Variants in PLAAT4 observed in about 807,000 individuals in gnomAD.
The protein encoded by PLAAT4 is HRAS-like suppressor 4.
A neutral mutation model predicts 14.1 loss-of-function variants in PLAAT4; 12 were observed. That is an observed-to-expected ratio of 0.85 (90% CI 0.54 to 1.37). The LOEUF (loss-of-function observed/expected upper bound fraction) is 1.37, where lower values mean the gene tolerates loss of function less well. PLAAT4 is among the 40% of genes most tolerant of loss of function. PLAAT4 has a pLI of 0.00. For missense variants in PLAAT4, 163 were observed against 211.7 expected (o/e 0.77, Z 1.43); for synonymous variants, 77 against 79.8 (o/e 0.96, Z 0.19).
rs867462004 is a variant in PLAAT4, at chr11:63,536,866, G to C, written c.-3G>C. The stretch of plus-strand genomic sequence containing the variant: ...GAGCACCAGACCTCCTCTTGGCTTC[G>C]AGATGGCTTCGGTAAGTTTCCCAGG... On this transcript the variant is annotated 5_prime_UTR_variant, in exon 1 of 4. Transcript: ENST00000255688. 4 of 1,612,384 alleles carry C rather than the reference G, an allele frequency of 2.5e-6. No homozygotes were observed. Among genetic ancestry groups the C allele is most frequent in the Middle Eastern group, 1.6e-4 (1 of 6,070 alleles).
In PLAAT4 at chr11:63,541,499, C is replaced by T. The variant is rs571791256; in HGVS notation, c.118+1875C>T. ...GCCACCGCGCTCAGCCGTAAAGAGG[C>T]TTTTTAAAGACAATTTTTCTCTCTT... On this transcript the variant is annotated intron_variant, in intron 2 of 3. Coordinates refer to ENST00000255688, the MANE Select transcript of PLAAT4 (RefSeq NM_004585.5). Among the ~76,000 whole-genome samples, 13 of 148,996 alleles carry T rather than the reference C, an allele frequency of 8.7e-5. No homozygotes were observed. The South Asian group carries it at 2.3e-3, about 27-fold the overall frequency.
At chr11:63,542,918 G>A (rs775780580) in intron 2 of PLAAT4, among the ~76,000 whole-genome samples, 19 of 152,112 alleles carry the variant, frequency 1.2e-4, no homozygotes, top group Non-Finnish European at 2.4e-4. Context: ...ACTAACCTAG[G>A]AGAAAGCTTA....
chr11:63,538,795 T>A (rs2017294369), intron 1 of PLAAT4, among the ~76,000 whole-genome samples: 2 of 152,120 alleles, frequency 1.3e-5, no homozygotes, highest in African/African-American at 4.8e-5. Flanking sequence ...TCTCTGATCC[T>A]CAGTTTCCCC....
chr11:63,545,117 G>A (rs1336908766), intron 3 of PLAAT4: 15 of 617,812 alleles, frequency 2.4e-5, no homozygotes, highest in East Asian at 1.1e-4. Flanking sequence ...GGGGTGGATG[G>A]AGGAGCTCTG....
intron 1 of PLAAT4, 40 bp from the exon 2 acceptor site, chr11:63,539,476 T>TA (rs2017303282): frequency 6.4e-7 from 1 of 1,555,964 alleles, no homozygotes; most frequent in Non-Finnish European, 8.9e-7. Context: ...TGCTGTTGCC[T>TA]AGAAGGCCGG....
At chr11:63,539,919 C>T (rs1010839339) in intron 2 of PLAAT4, among the ~76,000 whole-genome samples, 4 of 152,202 alleles carry the variant, frequency 2.6e-5, no homozygotes, top group Non-Finnish European at 5.9e-5. Context: ...CGAGATCGTG[C>T]CATTGCACTC....
chr11:63,538,377 G>A (rs1267088972), intron 1 of PLAAT4: 2 of 384,042 alleles, frequency 5.2e-6, no homozygotes, highest in African/African-American at 2.1e-5. Flanking sequence ...AGGGGGTTGT[G>A]GGGGTCACAG....
At position 63,546,280 on chromosome 11, in the gene PLAAT4, G is replaced by A. The variant is rs2017366330; in HGVS notation, c.*24G>A. 3 of 1,609,102 alleles carry A rather than the reference G, an allele frequency of 1.9e-6. No homozygotes were observed. Among genetic ancestry groups the A allele is most frequent in the Non-Finnish European group, 2.6e-6 (3 of 1,175,424 alleles). ...GAAGCAGCCACAAAATCCTGTGTTA[G>A]AAGCAGCTGTGGGGGTCCCAGTGGA... On this transcript the variant is annotated 3_prime_UTR_variant, in exon 4 of 4. Coordinates refer to ENST00000255688, the MANE Select transcript of PLAAT4 (RefSeq NM_004585.5).
chr11:63,546,358 C>G lies in PLAAT4; in HGVS notation c.*102C>G. Reference sequence around the variant, plus strand: ...CCTGACCCTCGTGCCCTGTCTCAGGCGTTCTCTAGATCCTTTCCTCTGTTT... The same window carrying G: ...CCTGACCCTCGTGCCCTGTCTCAGGGGTTCTCTAGATCCTTTCCTCTGTTT... On this transcript the variant is annotated 3_prime_UTR_variant, in exon 4 of 4. Transcript: ENST00000255688. The G allele has an allele frequency of 1.0e-6, 1 of 993,876 alleles. No individual in the cohort carries two copies. The highest frequency in any genetic ancestry group is 1.6e-6 in the Non-Finnish European group (1 of 631,106). 61.6% of individuals were successfully genotyped at this position (993,876 alleles called of 1,614,324 possible).
intron 2 of PLAAT4, among the ~76,000 whole-genome samples, chr11:63,543,037 A>T (rs2017333843): frequency 1.3e-5 from 2 of 152,238 alleles, no homozygotes; most frequent in South Asian, 2.1e-4. Context: ...TAAAATTCTT[A>T]ACCACGGTAG....
chr11:63,536,899 A>G (rs190369964), intron 1 of PLAAT4, 22 bp downstream of exon 1: 11 of 1,610,684 alleles, frequency 6.8e-6, no homozygotes, highest in East Asian at 6.8e-5. Context: ...AGGGCTTTGC[A>G]TTACTGACTC....
In PLAAT4 at chr11:63,546,453, C is replaced by A; in HGVS notation, c.*197C>A. ...AAGGATCAATAAACAGCCATCTGCC[C>A]CTTCAGAAAGGACTTCTACCATGTT... is the stretch of plus-strand genomic sequence containing the variant. On this transcript the variant is annotated 3_prime_UTR_variant, in exon 4 of 4. Coordinates refer to ENST00000255688, the MANE Select transcript of PLAAT4 (RefSeq NM_004585.5). The A allele has an allele frequency of 1.8e-6, 1 of 563,904 alleles. No individual in the cohort carries two copies. The highest frequency in any genetic ancestry group is 3.1e-6 in the Non-Finnish European group (1 of 318,748). The allele number at this position is 563,904 out of a possible 1,614,324, so 34.9% of individuals were successfully genotyped here.
intron 3 of PLAAT4, 151 bp from the exon 4 acceptor site, chr11:63,545,998 G>A (rs2017361903): frequency 4.2e-6 from 3 of 714,170 alleles, no homozygotes; most frequent in Non-Finnish European, 4.9e-6. Context: ...AGAGGATTCT[G>A]AGCCAGCCAG....
chr11:63,543,805 T>C (rs1483262747), intron 2 of PLAAT4, among the ~76,000 whole-genome samples: 1 of 152,220 alleles, frequency 6.6e-6, no homozygotes, highest in Non-Finnish European at 1.5e-5. Flanking sequence ...TCTATGTGCC[T>C]AGAACTGTGC....
At position 63,539,639 on chromosome 11, in the gene PLAAT4, A is replaced by C. The variant is rs377579665; in HGVS notation, c.118+15A>C. 5.7e-6 allele frequency: 9 copies of C among 1,567,042 alleles called. No homozygotes were observed. The highest frequency in any genetic ancestry group is 7.9e-6 in the Non-Finnish European group (9 of 1,140,626). ...GGCTCCTCCAAGTAAGGACTGATGA[A>C]TATATAATTTTCAAAATATTTGTTA... is the stretch of plus-strand genomic sequence containing the variant. On this transcript the variant is annotated intron_variant, in intron 2 of 3. Transcript: ENST00000255688.
chr11:63,542,615 G>A (rs1450617675), intron 2 of PLAAT4, among the ~76,000 whole-genome samples: 4 of 152,064 alleles, frequency 2.6e-5, no homozygotes, highest in Admixed American at 6.6e-5. Flanking sequence ...TTTGGCTTCC[G>A]TCTTTGGTGT....
chr11:63,544,677 G>C lies in PLAAT4; in HGVS notation c.175G>C (p.Glu59Gln), dbSNP rs1433576934. The C allele has an allele frequency of 2.5e-6, 4 of 1,614,190 alleles. No homozygotes were observed. The highest frequency in any genetic ancestry group is 1.6e-4 in the Middle Eastern group (1 of 6,062). ...SVFSVLSNSA[E>Q]VKRERLEDVV... Reference sequence around the variant, plus strand: ...CTTCTCAGTCCTGAGCAACAGTGCAGAGGTGAAACGGGAGCGCCTGGAAGA... The same window carrying C: ...CTTCTCAGTCCTGAGCAACAGTGCACAGGTGAAACGGGAGCGCCTGGAAGA... The change falls in exon 3 of 4, where the codon GAG becomes CAG. Residue 59 changes from glutamate to glutamine, a missense_variant. Glu to Gln is a conservative substitution (Grantham distance 29, BLOSUM62 2). Transcript: ENST00000255688.
chr11:63,545,677 C>T (rs1204787987), intron 3 of PLAAT4, among the ~76,000 whole-genome samples: 12 of 152,044 alleles, frequency 7.9e-5, no homozygotes, highest in Admixed American at 6.5e-4. Context: ...CCCCAGGGCA[C>T]GCATATGGCC....
intron 2 of PLAAT4, 111 bp from the exon 3 acceptor site, chr11:63,544,510 C>A (rs1430965939): frequency 7.4e-7 from 1 of 1,343,956 alleles, no homozygotes. Flanking sequence ...TCTGTGAATC[C>A]TTCAATCACA....
Sources: allele counts gnomAD v4.1 joint callset (sites outside exome capture counted in the v4.1 genomes callset), GRCh38; gene constraint gnomAD v4.1.1; transcripts MANE v1.5; gene names NCBI Gene and HGNC (gene_info 2026-07-23, HGNC 2026-07-21).